The following TRPM3 variants were observed in gnomAD, a reference collection of about 807,000 sequenced individuals.
TRPM3 encodes transient receptor potential cation channel subfamily M member 3, also known as long transient receptor potential channel 3.
A neutral mutation model predicts 181.2 loss-of-function variants in TRPM3; 77 were observed. The ratio of observed to expected loss-of-function variants is 0.42; its 90% CI spans 0.35 to 0.51. The LOEUF (loss-of-function observed/expected upper bound fraction) is 0.51. Among genes scored for constraint, TRPM3 ranks in the 20% least tolerant of loss-of-function variants. The pLI, the probability that TRPM3 is intolerant of heterozygous loss-of-function variation, is 0.01. For missense variants in TRPM3, 1,759 were observed against 2,196.7 expected (o/e 0.80, Z 3.98); for synonymous variants, 745 against 796.4 (o/e 0.94, Z 1.09).
intron 6 of TRPM3, among the ~76,000 whole-genome samples, chr9:70,807,484 T>A (rs890776858): frequency 6.6e-6 from 1 of 152,202 alleles, no homozygotes; most frequent in Non-Finnish European, 1.5e-5. Flanking sequence ...TGTCCTTTTT[T>A]ATAGCTTTTT....
intron 1 of TRPM3, among the ~76,000 whole-genome samples, chr9:70,878,835 G>A (rs964899618): frequency 1.3e-5 from 2 of 151,974 alleles, no homozygotes; most frequent in Non-Finnish European, 2.9e-5. Context: ...GGCCCCCAAC[G>A]GAAGATCTAC....
At chr9:71,064,738 A>G (rs2061709519) in intron 1 of TRPM3, among the ~76,000 whole-genome samples, 2 of 152,130 alleles carry the variant, frequency 1.3e-5, no homozygotes, top group Admixed American at 6.6e-5. Context: ...TTAAAACCCT[A>G]CAATGACTTC....
intron 1 of TRPM3, among the ~76,000 whole-genome samples, chr9:70,950,609 C>T (rs1412418063): frequency 6.6e-6 from 1 of 152,154 alleles, no homozygotes; most frequent in Non-Finnish European, 1.5e-5. Context: ...AGAATGGCCA[C>T]TCCACAGTGA....
chr9:70,759,279 TG>T lies in TRPM3; in HGVS notation c.1272+2321del, dbSNP rs1425428140. On this transcript the variant is annotated intron_variant, in intron 8 of 25. Coordinates refer to ENST00000677713, the MANE Select transcript of TRPM3 (RefSeq NM_001366145.2). ...AGAGAAATGCAAATCAAAACTACAA[TG>T]AGATAGCATCTCACTCCAGTTAGAA... 2.0e-5 allele frequency among the ~76,000 whole-genome samples: 3 copies of T among 152,226 alleles called. No homozygotes were observed. In the East Asian group the frequency reaches 5.8e-4, roughly 29 times the overall value.
chr9:71,211,655 CATGCCTTGG>C (rs1388507082), intron 1 of TRPM3, among the ~76,000 whole-genome samples: 1 of 152,174 alleles, frequency 6.6e-6, no homozygotes, highest in Non-Finnish European at 1.5e-5. Flanking sequence ...CAATCTTTGG[CATGCCTTGG>C]CTTGCAGAAG....
At chr9:71,128,240 T>C (rs1289134026) in intron 1 of TRPM3, among the ~76,000 whole-genome samples, 1 of 152,116 alleles carries the variant, frequency 6.6e-6, no homozygotes, top group East Asian at 1.9e-4. Flanking sequence ...GTGTAAAACT[T>C]TAATATATAA....
intron 1 of TRPM3, among the ~76,000 whole-genome samples, chr9:71,089,613 A>G (rs946133485): frequency 6.6e-6 from 1 of 152,136 alleles, no homozygotes; most frequent in African/African-American, 2.4e-5. Flanking sequence ...TATGTGATAA[A>G]TATCACAGAC....
intron 1 of TRPM3, among the ~76,000 whole-genome samples, chr9:71,054,783 G>T (rs1319372755): frequency 6.6e-6 from 1 of 152,114 alleles, no homozygotes; most frequent in Non-Finnish European, 1.5e-5. Flanking sequence ...GGGCAGAAGG[G>T]TTGTCTGGAA....
At chr9:70,583,197 T>C (rs1008478939) in intron 22 of TRPM3, among the ~76,000 whole-genome samples, 1 of 151,868 alleles carries the variant, frequency 6.6e-6, no homozygotes, top group African/African-American at 2.4e-5. Flanking sequence ...GAAGGGAGGA[T>C]TTGGGGAATA....
At chr9:70,941,735 A>T (rs1218736052) in intron 1 of TRPM3, among the ~76,000 whole-genome samples, 3 of 152,194 alleles carry the variant, frequency 2.0e-5, no homozygotes, top group African/African-American at 7.2e-5. Flanking sequence ...TTCTATTCAG[A>T]CTATGAAAGA....
chr9:71,315,933 TTGTCATTCTCC>T (rs1301492217), intron 1 of TRPM3, among the ~76,000 whole-genome samples: 1 of 152,190 alleles, frequency 6.6e-6, no homozygotes, highest in Non-Finnish European at 1.5e-5. Context: ...GCTATAGTTA[TTGTCATTCTCC>T]TGTGGACCCT....
At position 70,783,027 on chromosome 9, in the gene TRPM3, A is replaced by G. The variant is rs372492344; in HGVS notation, c.1148+1078T>C. Among the ~76,000 whole-genome samples, 24 of 152,236 alleles carry G rather than the reference A, an allele frequency of 1.6e-4. No individual in the cohort carries two copies. The East Asian group carries it at 3.3e-3, about 21-fold the overall frequency. ...TTAAATAAAGCAGGCTGGGTACAAG[A>G]GGGATGGGTACGAGAGGGATGGAGG... On this transcript the variant is annotated intron_variant, in intron 7 of 25. Transcript: ENST00000677713.
intron 1 of TRPM3, among the ~76,000 whole-genome samples, chr9:71,404,397 C>A (rs1441429379): frequency 1.3e-5 from 2 of 152,186 alleles, no homozygotes; most frequent in Non-Finnish European, 2.9e-5. Flanking sequence ...ACATGGGAAT[C>A]TTTTTAGGAT....
At chr9:70,882,283 G>A (rs1004303613) in intron 1 of TRPM3, among the ~76,000 whole-genome samples, 10 of 152,098 alleles carry the variant, frequency 6.6e-5, no homozygotes, top group Admixed American at 2.0e-4. Flanking sequence ...AGACTCCTAG[G>A]TCTGCCATAT....
intron 1 of TRPM3, among the ~76,000 whole-genome samples, chr9:70,976,970 A>C (rs1054888864): frequency 6.6e-6 from 1 of 152,190 alleles, no homozygotes; most frequent in African/African-American, 2.4e-5. Context: ...CCACAGTGCT[A>C]TTCCTCTCTC....
intron 1 of TRPM3, among the ~76,000 whole-genome samples, chr9:71,153,050 A>G (rs113678057): frequency 0.017 from 2,588 of 152,140 alleles, 41 homozygotes; most frequent in South Asian, 0.037. Flanking sequence ...TGCTATTTCA[A>G]TCTCCGTAAC....
chr9:71,061,456 T>TG (rs2061327722), intron 1 of TRPM3, among the ~76,000 whole-genome samples: 1 of 152,068 alleles, frequency 6.6e-6, no homozygotes, highest in Non-Finnish European at 1.5e-5. Flanking sequence ...TCAGGAAAGT[T>TG]GGATATTGGG....
chr9:70,697,694 A>G (rs1269898413), intron 8 of TRPM3, among the ~76,000 whole-genome samples: 1 of 152,194 alleles, frequency 6.6e-6, no homozygotes, highest in Non-Finnish European at 1.5e-5. Flanking sequence ...TGTCACATGT[A>G]AAAAATTAAG....
chr9:70,575,510 AC>A (rs919183458), intron 22 of TRPM3, among the ~76,000 whole-genome samples: 9 of 152,066 alleles, frequency 5.9e-5, no homozygotes, highest in Admixed American at 5.9e-4. Flanking sequence ...TTATTTATTA[AC>A]TTTTTTTTTC....
Sources: gnomAD v4.1 joint callset for allele counts (sites outside exome capture counted in the v4.1 genomes callset) on GRCh38, gnomAD v4.1.1 for gene constraint, MANE v1.5 for transcripts, NCBI Gene and HGNC (gene_info 2026-07-23, HGNC 2026-07-21) for gene names.